Variants in SIRT1 observed in about 807,000 individuals in gnomAD.
SIRT1 encodes the protein NAD-dependent protein deacetylase sirtuin-1.
Under a neutral mutation model 67.9 loss-of-function variants are expected in SIRT1, and 24 were observed. The ratio of observed to expected loss-of-function variants is 0.35; its 90% CI spans 0.26 to 0.50. SIRT1 has a LOEUF of 0.50. SIRT1 is among the 20% of genes least tolerant of loss of function. The pLI, the probability that SIRT1 is intolerant of heterozygous loss-of-function variation, is 0.98. For synonymous variants in SIRT1, 378 were observed against 350.7 expected (o/e 1.08, Z -0.87); for missense variants, 873 against 937.2 (o/e 0.93, Z 0.89).
intron 4 of SIRT1, among the ~76,000 whole-genome samples, chr10:67,894,973 G>A (rs1349238781): frequency 6.6e-6 from 1 of 152,070 alleles, no homozygotes; most frequent in Non-Finnish European, 1.5e-5. Context: ...TGGGATTACA[G>A]GTGTGAGCCA....
chr10:67,906,989 G>A, intron 5 of SIRT1, 52 bp downstream of exon 5: 3 of 1,433,316 alleles, frequency 2.1e-6, no homozygotes, highest in South Asian at 1.4e-5. Flanking sequence ...TTTATAGGAA[G>A]ATATTTCCTA....
At chr10:67,899,666 T>C (rs1035638050) in intron 4 of SIRT1, among the ~76,000 whole-genome samples, 1 of 152,158 alleles carries the variant, frequency 6.6e-6, no homozygotes, top group Non-Finnish European at 1.5e-5. Context: ...ACCTTATTTT[T>C]CAAAGAAGGC....
At chr10:67,888,651 T>G (rs1374405583) in intron 2 of SIRT1, among the ~76,000 whole-genome samples, 2 of 152,190 alleles carry the variant, frequency 1.3e-5, no homozygotes, top group Non-Finnish European at 2.9e-5. Flanking sequence ...ATTAGACTCT[T>G]GAAATATATA....
At chr10:67,911,879 TCTC>T (rs1349485572) in intron 7 of SIRT1, among the ~76,000 whole-genome samples, 1 of 147,254 alleles carries the variant, frequency 6.8e-6, no homozygotes, top group Non-Finnish European at 1.5e-5. Context: ...TTCAAGCAGT[TCTC>T]CTCCCAAGTA....
rs201583175 is a variant in SIRT1 at position 67,888,987 on chromosome 10, T to C, written c.653T>C (p.Met218Thr). ...ATACCTCCACCTGAGTTGGATGATA[T>C]GACACTGTGGCAGATTGTTATTAAT... The part of the protein sequence containing the change: ...ETIPPPELDD[M>T]TLWQIVINIL... The change falls in exon 3 of 9, where the codon ATG (methionine) becomes ACG (threonine). Residue 218 changes from methionine (M) to threonine (T), a missense_variant. By Grantham distance (81) the Met-to-Thr change is moderately conservative (BLOSUM62 -1). Transcript: ENST00000212015. The C allele has an allele frequency of 8.1e-6, 13 of 1,613,994 alleles. No homozygotes were observed. Among genetic ancestry groups the C allele is most frequent in the Middle Eastern group, 1.7e-4 (1 of 6,058 alleles).
At chr10:67,895,777 TG>T (rs1190295576) in intron 4 of SIRT1, among the ~76,000 whole-genome samples, 11 of 144,346 alleles carry the variant, frequency 7.6e-5, no homozygotes, top group Admixed American at 2.8e-4. Flanking sequence ...GTTTTGCTCT[TG>T]TCACCCAGGC....
At chr10:67,891,356 A>G in intron 3 of SIRT1, 46 bp from the exon 4 acceptor site, 1 of 1,575,638 alleles carries the variant, frequency 6.3e-7, no homozygotes, top group South Asian at 1.1e-5. Context: ...TAGTTCCTAT[A>G]AAGGTAGAAG....
In SIRT1 at chr10:67,884,695, G is replaced by T; in HGVS notation, c.-27G>T. 8.1e-7 allele frequency: 1 copy of T among 1,228,148 alleles called. No homozygotes were observed. Among genetic ancestry groups the T allele is most frequent in the South Asian group, 4.2e-5 (1 of 24,016 alleles). 76.1% of individuals were successfully genotyped at this position (1,228,148 alleles called of 1,614,324 possible). On this transcript the variant is annotated 5_prime_UTR_variant, in exon 1 of 9. Coordinates refer to ENST00000212015, the MANE Select transcript of SIRT1 (RefSeq NM_012238.5). ...TCGAGCGGGAGCAGAGGAGGCGAGG[G>T]AGGAGGGCCAGAGAGGCAGTTGGAA...
chr10:67,885,112 G>A lies in SIRT1; in HGVS notation c.391G>A (p.Glu131Lys), dbSNP rs868088559. The A allele has an allele frequency of 6.9e-7, 1 of 1,443,736 alleles. No homozygotes were observed. Among genetic ancestry groups the A allele is most frequent in the Non-Finnish European group, 9.1e-7 (1 of 1,093,470 alleles). 89.4% of individuals were successfully genotyped at this position (1,443,736 alleles called of 1,614,324 possible). The change falls in exon 1 of 9, where the codon GAG (glutamate) becomes AAG (lysine). Residue 131 changes from glutamate (E) to lysine (K), a missense_variant. Transcript: ENST00000212015. ...CGAAGACGACGACGACGAGGGCGAG[G>A]AGGAGGAAGAGGCGGCGGCGGCGGC... Reference protein sequence around the residue: ...YDEDDDDEGEEEEEAAAAAIG... With the variant: ...YDEDDDDEGEKEEEAAAAAIG...
chr10:67,887,148 AGGC>A (rs1312304121), intron 1 of SIRT1, among the ~76,000 whole-genome samples: 3 of 152,282 alleles, frequency 2.0e-5, no homozygotes, highest in South Asian at 4.2e-4. Context: ...CTGGAATTAG[AGGC>A]GTGAGCCACC....
intron 2 of SIRT1, among the ~76,000 whole-genome samples, chr10:67,888,277 A>G (rs1289364207): frequency 6.6e-6 from 1 of 152,126 alleles, no homozygotes. Flanking sequence ...CATAGTGAAG[A>G]TCAGTTTCTC....
At chr10:67,899,975 T>A (rs1842716357) in intron 4 of SIRT1, among the ~76,000 whole-genome samples, 1 of 151,868 alleles carries the variant, frequency 6.6e-6, no homozygotes, top group Non-Finnish European at 1.5e-5. Flanking sequence ...TCCCAGCTGT[T>A]CGGAAGGCTG....
At chr10:67,888,317 A>AT (rs1357493842) in intron 2 of SIRT1, among the ~76,000 whole-genome samples, 2 of 152,014 alleles carry the variant, frequency 1.3e-5, no homozygotes. Context: ...TTATTTATTT[A>AT]TTTTTGTTTT....
chr10:67,907,950 T>C (rs1008549381), intron 5 of SIRT1, 96 bp from the exon 6 acceptor site: 26 of 1,050,724 alleles, frequency 2.5e-5, no homozygotes, highest in Non-Finnish European at 3.2e-5. Flanking sequence ...TTAAACCCTC[T>C]TAACATTTGT....
chr10:67,889,227 A>G, intron 3 of SIRT1, 104 bp downstream of exon 3: 1 of 1,322,844 alleles, frequency 7.6e-7, no homozygotes, highest in East Asian at 2.3e-5. Context: ...TTACATGATA[A>G]TGGATGTTTG....
At chr10:67,885,177 C>G (rs1020048047) in intron 1 of SIRT1, 26 bp downstream of exon 1, 16 of 1,345,372 alleles carry the variant, frequency 1.2e-5, no homozygotes, top group Non-Finnish European at 1.4e-5. Context: ...GCGGCCGGAA[C>G]TGCGCATCTC....
Position 67,908,805 on chromosome 10 carries a change from G to A in SIRT1, c.1171-451G>A, listed in dbSNP as rs188743668. The stretch of plus-strand genomic sequence containing the variant: ...TAATCTCAGCTGCTTGGGAGGCTGA[G>A]GCAGGAGAATTATTTGAACTCGGGA... On this transcript the variant is annotated intron_variant, in intron 6 of 8. Transcript: ENST00000212015. 2.3e-3 allele frequency among the ~76,000 whole-genome samples: 351 copies of A among 152,298 alleles called. 4 individuals carry two copies. Among genetic ancestry groups the A allele is most frequent in the Middle Eastern group, 3.4e-3 (1 of 294 alleles).
At chr10:67,907,089 AAAT>A in intron 5 of SIRT1, 152 bp downstream of exon 5, 3 of 681,706 alleles carry the variant, frequency 4.4e-6, no homozygotes, top group South Asian at 6.2e-5. Flanking sequence ...TAGAAAACAA[AAAT>A]AATAAAAACA....
chr10:67,885,156 G>A lies in SIRT1; in HGVS notation c.430+5G>A. On this transcript the variant is annotated splice_donor_5th_base_variant and intron_variant, in intron 1 of 8. Transcript: ENST00000212015. ...CGGCGGCGATTGGGTACCGAGGTGC[G>A]CAGGGTGCGGGCGGCCGGAACTGCG... is the stretch of plus-strand genomic sequence containing the variant. 1.4e-6 allele frequency: 2 copies of A among 1,389,914 alleles called. No homozygotes were observed. The highest frequency in any genetic ancestry group is 1.9e-6 in the Non-Finnish European group (2 of 1,063,720). 86.1% of individuals were successfully genotyped at this position (1,389,914 alleles called of 1,614,324 possible). A position where few individuals can be genotyped will look rare whatever the true frequency, so the allele number is the denominator to read the frequency against.
Sources: gnomAD v4.1 joint callset for allele counts (sites outside exome capture counted in the v4.1 genomes callset) on GRCh38, gnomAD v4.1.1 for gene constraint, MANE v1.5 for transcripts, NCBI Gene and HGNC (gene_info 2026-07-23, HGNC 2026-07-21) for gene names.